STON2: variants seen among roughly 807,000 people sequenced by gnomAD.
STON2 encodes the protein stonin 2.
Under a neutral mutation model 65.7 loss-of-function variants are expected in STON2, and 29 were observed. The observed-to-expected ratio is 0.44, with a 90% confidence interval of 0.33 to 0.60. The LOEUF (loss-of-function observed/expected upper bound fraction) is 0.60. STON2 is among the 20% of genes least tolerant of loss of function. The pLI is 0.03. For synonymous variants in STON2, 404 were observed against 414.2 expected, an observed-to-expected ratio of 0.98 and a Z score of 0.30; for missense variants, 1,054 against 1,118.1, an observed-to-expected ratio of 0.94 and a Z score of 0.82.
At chr14:81,339,502 C>T (rs1452293575) in intron 4 of STON2, among the ~76,000 whole-genome samples, 1 of 152,172 alleles carries the variant, frequency 6.6e-6, no homozygotes, top group Non-Finnish European at 1.5e-5. Flanking sequence ...GTTTCTTTCA[C>T]ATTCCCAAGG....
chr14:81,433,781 G>A (rs1230605223), intron 1 of STON2, among the ~76,000 whole-genome samples: 1 of 152,168 alleles, frequency 6.6e-6, no homozygotes, highest in African/African-American at 2.4e-5. Context: ...GACAAGTGAG[G>A]GGTAGAACTA....
chr14:81,297,856 T>A (rs188451954), intron 5 of STON2, among the ~76,000 whole-genome samples: 2 of 152,202 alleles, frequency 1.3e-5, no homozygotes, highest in Non-Finnish European at 2.9e-5. Context: ...CTGACCAACA[T>A]GGAGAAACCC....
chr14:81,413,692 A>G (rs1382842263), intron 2 of STON2, among the ~76,000 whole-genome samples: 4 of 138,760 alleles, frequency 2.9e-5, no homozygotes, highest in Non-Finnish European at 6.0e-5. Context: ...GCTACTGGGG[A>G]GGCTGAGGCA....
Position 81,396,110 on chromosome 14 carries a change from T to C in STON2, c.157A>G (p.Asn53Asp). The C allele has an allele frequency of 6.2e-7, 1 of 1,614,088 alleles. No homozygotes were observed. Reference protein sequence around the residue: ...PDQSESSSGENHVVDGGSQDH... With the variant: ...PDQSESSSGEDHVVDGGSQDH... Reference sequence around the variant, plus strand: ...TGAGAGCCTCCATCCACCACATGGTTCTCCCCGGAGGAGCTCTCGGACTGG... The same window carrying C: ...TGAGAGCCTCCATCCACCACATGGTCCTCCCCGGAGGAGCTCTCGGACTGG... The change falls in exon 3 of 8, where the codon AAC becomes GAC. Residue 53 changes from asparagine (N) to aspartate (D), a missense_variant. Coordinates refer to ENST00000614646, the MANE Select transcript of STON2 (RefSeq NM_001394390.1).
chr14:81,279,277 A>G (rs550603339), intron 5 of STON2, among the ~76,000 whole-genome samples: 2 of 152,346 alleles, frequency 1.3e-5, no homozygotes, highest in African/African-American at 4.8e-5. Flanking sequence ...AGGTTCATAC[A>G]TGTGAATAAG....
upstream of STON2, among the ~76,000 whole-genome samples, chr14:81,404,654 C>T (rs565997058): frequency 3.3e-5 from 5 of 152,140 alleles, no homozygotes; most frequent in African/African-American, 1.2e-4. Flanking sequence ...TAAGTGCACA[C>T]CATCACACCC....
At chr14:81,429,805 G>A (rs901491646) in intron 1 of STON2, among the ~76,000 whole-genome samples, 9 of 151,988 alleles carry the variant, frequency 5.9e-5, no homozygotes, top group Non-Finnish European at 1.2e-4. Context: ...CGTGATGGTG[G>A]GCGCCTGTAA....
In STON2 at chr14:81,267,035, C is replaced by A. The variant is rs1017332548; in HGVS notation, c.*1379G>T. The A allele has an allele frequency of 1.5e-5, 15 of 985,364 alleles. No individual in the cohort carries two copies. The highest frequency in any genetic ancestry group is 1.8e-5 in the Non-Finnish European group (15 of 829,878). The allele number at this position is 985,364 out of a possible 1,614,324, so 61.0% of individuals were successfully genotyped here. A position where few individuals can be genotyped will look rare whatever the true frequency, so the allele number is the denominator to read the frequency against. ...ATGATTGTTCATTGAATACATTAATCTTGAATCCATCAGCCAAAAACTGGA... is the reference window on the plus strand; with the variant it reads ...ATGATTGTTCATTGAATACATTAATATTGAATCCATCAGCCAAAAACTGGA... On this transcript the variant is annotated 3_prime_UTR_variant, in exon 8 of 8. Coordinates refer to ENST00000614646, the MANE Select transcript of STON2 (RefSeq NM_001394390.1).
chr14:81,289,903 G>A (rs1895487854), intron 5 of STON2, among the ~76,000 whole-genome samples: 1 of 152,212 alleles, frequency 6.6e-6, no homozygotes. Context: ...TCCTGGTTAT[G>A]TTGGTGAATA....
chr14:81,362,122 C>T (rs1023489710), intron 4 of STON2, among the ~76,000 whole-genome samples: 1 of 152,140 alleles, frequency 6.6e-6, no homozygotes, highest in African/African-American at 2.4e-5. Flanking sequence ...CCAGCAATCC[C>T]AGTTCTGGGT....
chr14:81,364,867 A>G lies in STON2; in HGVS notation c.571+6121T>C, dbSNP rs558409001. On this transcript the variant is annotated intron_variant, in intron 4 of 7. Transcript: ENST00000614646. The stretch of plus-strand genomic sequence containing the variant: ...GATGCAGACGATTTTAGCCACCCGT[A>G]TGGTAAATCCACCTGATAGCAATAA... Among the ~76,000 whole-genome samples, 9 of 152,250 alleles carry G rather than the reference A, an allele frequency of 5.9e-5. No homozygotes were observed. The East Asian group carries it at 1.4e-3, about 23-fold the overall frequency.
chr14:81,384,392 C>T (rs941858406), intron 3 of STON2, among the ~76,000 whole-genome samples: 4 of 151,992 alleles, frequency 2.6e-5, no homozygotes, highest in South Asian at 2.1e-4. Flanking sequence ...GGATTACAGG[C>T]GCCCGGCTAA....
chr14:81,325,692 T>TA (rs1410983735), intron 4 of STON2, among the ~76,000 whole-genome samples: 4 of 151,914 alleles, frequency 2.6e-5, no homozygotes, highest in Non-Finnish European at 4.4e-5. Context: ...ATTTGGCACT[T>TA]AAAAAAAACT....
intron 4 of STON2, among the ~76,000 whole-genome samples, chr14:81,329,368 T>TG: frequency 6.8e-6 from 1 of 148,068 alleles, no homozygotes. Flanking sequence ...GGCAGGAGAA[T>TG]GGCATGAACC....
At chr14:81,431,974 A>C (rs1426658251) in intron 1 of STON2, among the ~76,000 whole-genome samples, 1 of 152,198 alleles carries the variant, frequency 6.6e-6, no homozygotes, top group Admixed American at 6.5e-5. Flanking sequence ...TAGAATTTCT[A>C]GAATTTTCTA....
chr14:81,283,182 T>G (rs1283930766), intron 5 of STON2, among the ~76,000 whole-genome samples: 1 of 152,192 alleles, frequency 6.6e-6, no homozygotes, highest in African/African-American at 2.4e-5. Context: ...AAGTGGTGGA[T>G]TCTTTTAATG....
chr14:81,279,623 A>T (rs1895024517), intron 5 of STON2, among the ~76,000 whole-genome samples: 1 of 152,094 alleles, frequency 6.6e-6, no homozygotes, highest in African/African-American at 2.4e-5. Flanking sequence ...CCCAGGAGGC[A>T]GAGATAGAAG....
chr14:81,316,590 T>TA (rs1896629204), intron 5 of STON2, among the ~76,000 whole-genome samples: 1 of 152,252 alleles, frequency 6.6e-6, no homozygotes, highest in East Asian at 1.9e-4. Context: ...TAATCTCAGT[T>TA]GGCCATTAGA....
At position 81,264,257 on chromosome 14, in the gene STON2, GTTT is replaced by G; in HGVS notation, c.*4154_*4156del. 1 of 985,360 alleles carries G rather than the reference GTTT, an allele frequency of 1.0e-6. No homozygotes were observed. Among genetic ancestry groups the G allele is most frequent in the Non-Finnish European group, 1.2e-6 (1 of 829,920 alleles). 61.0% of individuals were successfully genotyped at this position (985,360 alleles called of 1,614,324 possible). A position where few individuals can be genotyped will look rare whatever the true frequency, so the allele number is the denominator to read the frequency against. ...ATATTAAGTGCCTAAATGCTGACAG[GTTT>G]TATTACTTGACTCTGGAGGCAGGAG... On this transcript the variant is annotated 3_prime_UTR_variant, in exon 8 of 8. Transcript: ENST00000614646.
Sources: gnomAD v4.1 joint callset for allele counts (sites outside exome capture counted in the v4.1 genomes callset) on GRCh38, gnomAD v4.1.1 for gene constraint, MANE v1.5 for transcripts, NCBI Gene and HGNC (gene_info 2026-07-23, HGNC 2026-07-21) for gene names.